Variants in CUL2 observed in about 807,000 individuals in gnomAD.
The protein encoded by CUL2 is cullin-2.
CUL2 carries 22 observed loss-of-function variants against 110.2 expected under a neutral mutation model. The observed-to-expected ratio is 0.20, with a 90% CI of 0.14 to 0.28. CUL2 has a LOEUF of 0.28. CUL2 is among the 10% of genes least tolerant of loss of function. CUL2 has a pLI of 1.00. For missense variants in CUL2, 631 were observed against 905.5 expected, an observed-to-expected ratio of 0.70 and a Z score of 3.89; for synonymous variants, 279 against 293.2, an observed-to-expected ratio of 0.95 and a Z score of 0.49.
intron 1 of CUL2, among the ~76,000 whole-genome samples, chr10:35,122,259 GTAAAA>G: frequency 6.6e-6 from 1 of 152,242 alleles, no homozygotes; most frequent in South Asian, 2.1e-4. Flanking sequence ...TATTAAATTA[GTAAAA>G]TAAAATAGGA....
intron 1 of CUL2, among the ~76,000 whole-genome samples, chr10:35,119,281 C>T (rs74935348): frequency 6.6e-6 from 1 of 152,116 alleles, no homozygotes. Flanking sequence ...TTCATTGGTT[C>T]AGTTATTTTA....
chr10:35,052,096 A>T (rs751335162), intron 5 of CUL2, among the ~76,000 whole-genome samples: 1 of 152,062 alleles, frequency 6.6e-6, no homozygotes, highest in African/African-American at 2.4e-5. Context: ...CTGAAAACCA[A>T]TTTTTTGTTT....
At chr10:35,070,384 C>T (rs1253995492) in intron 2 of CUL2, among the ~76,000 whole-genome samples, 1 of 152,174 alleles carries the variant, frequency 6.6e-6, no homozygotes, top group Non-Finnish European at 1.5e-5. Context: ...ATATTAACAA[C>T]TGAATTAGGC....
intron 1 of CUL2, among the ~76,000 whole-genome samples, chr10:35,118,977 C>T (rs975930642): frequency 2.0e-5 from 3 of 152,228 alleles, no homozygotes; most frequent in African/African-American, 7.2e-5. Context: ...TCCCCAGGCA[C>T]AGGCTGGCCA....
At chr10:35,124,181 C>T (rs573541891) in intron 1 of CUL2, among the ~76,000 whole-genome samples, 2 of 152,084 alleles carry the variant, frequency 1.3e-5, no homozygotes, top group Admixed American at 6.6e-5. Flanking sequence ...GACTCTGCCT[C>T]TAAGTAAATA....
intron 1 of CUL2, among the ~76,000 whole-genome samples, chr10:35,085,756 CA>C (rs1275659397): frequency 2.0e-5 from 3 of 150,526 alleles, no homozygotes; most frequent in African/African-American, 7.3e-5. Context: ...CAATCACAGC[CA>C]GACATTTTTC....
Position 35,071,216 on chromosome 10 carries a change from T to C in CUL2, c.102A>G (p.Thr34=), listed in dbSNP as rs1272448314. 6 of 1,613,912 alleles carry C rather than the reference T, an allele frequency of 3.7e-6. 1 individual carries two copies. The highest frequency in any genetic ancestry group is 5.1e-6 in the Non-Finnish European group (6 of 1,179,972). Residue 34 remains threonine (T), a synonymous_variant, in exon 2 of 21, where the codon ACA becomes ACG. Transcript: ENST00000374749. ...VVMLEYVERA[T]WNDRFSDIYA... ...AAGGATACGAGAAACGGTCATTCCATGTTGCTCTTTCGACGTATTCCAACA... is the reference window on the plus strand; with the variant it reads ...AAGGATACGAGAAACGGTCATTCCACGTTGCTCTTTCGACGTATTCCAACA...
intron 1 of CUL2, among the ~76,000 whole-genome samples, chr10:35,083,393 C>A (rs1302722690): frequency 1.3e-5 from 2 of 152,106 alleles, no homozygotes; most frequent in Non-Finnish European, 2.9e-5. Context: ...ACATATATTT[C>A]TAGCTCTGTT....
At chr10:35,064,865 A>T (rs1162901803) in intron 2 of CUL2, among the ~76,000 whole-genome samples, 1 of 152,184 alleles carries the variant, frequency 6.6e-6, no homozygotes, top group African/African-American at 2.4e-5. Context: ...AAATGTAAAC[A>T]AAATCTACTG....
At chr10:35,066,881 CCTT>C (rs149344968) in intron 2 of CUL2, among the ~76,000 whole-genome samples, 29 of 152,200 alleles carry the variant, frequency 1.9e-4, no homozygotes, top group African/African-American at 5.8e-4. Context: ...GTTACTAAGA[CCTT>C]CTTCTTCTAA....
Position 35,049,848 on chromosome 10 carries a change from T to C in CUL2, c.424-83A>G. The C allele has an allele frequency of 5.8e-6, 5 of 860,350 alleles. No individual in the cohort carries two copies. The South Asian group carries it at 7.8e-5, about 13-fold the overall frequency. The allele number at this position is 860,350 out of a possible 1,614,324, so 53.3% of individuals were successfully genotyped here. A position where few individuals can be genotyped will look rare whatever the true frequency, so the allele number is the denominator to read the frequency against. ...CCTCAAGGTTTTTTTTAACTAAAAA[T>C]ACTCATCAAAAGAAGTATTTATACT... On this transcript the variant is annotated intron_variant, in intron 5 of 20. Coordinates refer to ENST00000374749, the MANE Select transcript of CUL2 (RefSeq NM_003591.4).
chr10:35,118,017 A>C (rs560109810), intron 1 of CUL2, among the ~76,000 whole-genome samples: 1 of 152,318 alleles, frequency 6.6e-6, no homozygotes, highest in African/African-American at 2.4e-5. Context: ...TCTACTTGTT[A>C]GAACTGATGA....
chr10:35,068,532 G>A (rs571447383), intron 2 of CUL2, among the ~76,000 whole-genome samples: 2 of 152,102 alleles, frequency 1.3e-5, no homozygotes, highest in Non-Finnish European at 2.9e-5. Flanking sequence ...TTTCGGGTGG[G>A]GGTTATAGTG....
chr10:35,082,454 AGTTTTGGAAATGGTG>A (rs34386950), intron 1 of CUL2, among the ~76,000 whole-genome samples: 1 of 152,176 alleles, frequency 6.6e-6, no homozygotes, highest in African/African-American at 2.4e-5. Flanking sequence ...GTAACGAAAA[AGTTTTGGAAATGGTG>A]GTTTTGGAAA....
intron 19 of CUL2, among the ~76,000 whole-genome samples, 189 bp from the exon 20 acceptor site, chr10:35,012,153 A>T (rs533771692): frequency 6.6e-6 from 1 of 150,430 alleles, no homozygotes; most frequent in African/African-American, 2.5e-5. Context: ...TCCTGGGTTC[A>T]TGTGATTCTC....
intron 2 of CUL2, among the ~76,000 whole-genome samples, chr10:35,100,595 C>T (rs930142487): frequency 6.6e-6 from 1 of 151,944 alleles, no homozygotes; most frequent in Non-Finnish European, 1.5e-5. Flanking sequence ...AACCTCGTCT[C>T]TACTAAAAAT....
At chr10:35,016,926 C>CAAA (rs1427211253) in intron 17 of CUL2, among the ~76,000 whole-genome samples, 2 of 60,936 alleles carry the variant, frequency 3.3e-5, no homozygotes, top group African/African-American at 1.2e-4. Context: ...GACTCTGTCT[C>CAAA]AAAAAAAAAA....
At chr10:35,093,659 CAAAAAAAAAAAAAA>C (rs58582764), upstream of CUL2, among the ~76,000 whole-genome samples, 3 of 87,840 alleles carry the variant, frequency 3.4e-5, no homozygotes, top group Non-Finnish European at 6.7e-5. Flanking sequence ...GACCTTCTCT[CAAAAAAAAAAAAAA>C]AAAAAAAAGA....
At position 35,010,304 on chromosome 10, in the gene CUL2, A is replaced by G. The variant is rs1488268120; in HGVS notation, c.*7T>C. On this transcript the variant is annotated 3_prime_UTR_variant, in exon 21 of 21. Transcript: ENST00000374749. ...ATCTTCTCACACCACGCTGGAGGAGAGCGACATCACGCGACGTAGCTGTAT... is the reference window on the plus strand; with the variant it reads ...ATCTTCTCACACCACGCTGGAGGAGGGCGACATCACGCGACGTAGCTGTAT... 1 of 1,602,858 alleles carries G rather than the reference A, an allele frequency of 6.2e-7. No individual in the cohort carries two copies. Among genetic ancestry groups the G allele is most frequent in the Admixed American group, 1.7e-5 (1 of 58,674 alleles).
Sources: allele counts gnomAD v4.1 joint callset (sites outside exome capture counted in the v4.1 genomes callset), GRCh38; gene constraint gnomAD v4.1.1; transcripts MANE v1.5; gene names NCBI Gene and HGNC (gene_info 2026-07-23, HGNC 2026-07-21).